Variants in UNC5D observed in about 807,000 individuals in gnomAD.
UNC5D encodes unc-5 netrin receptor D, also known as netrin receptor UNC5D.
A neutral mutation model predicts 105.4 loss-of-function variants in UNC5D; 39 were observed. That is an observed-to-expected ratio of 0.37 (90% CI 0.29 to 0.48). The LOEUF is 0.48. Among genes scored for constraint, UNC5D ranks in the 20% least tolerant of loss-of-function variants. The pLI is 0.98. For synonymous variants in UNC5D, 452 were observed against 450.4 expected (o/e 1.00, Z -0.04); for missense variants, 991 against 1,202.4 (o/e 0.82, Z 2.60).
intron 1 of UNC5D, among the ~76,000 whole-genome samples, chr8:35,394,687 A>G (rs1027213698): frequency 1.3e-5 from 2 of 152,136 alleles, no homozygotes; most frequent in African/African-American, 4.8e-5. Context: ...AAAAACTACA[A>G]TGAGATACGA....
chr8:35,677,425 T>C (rs1337151809), intron 4 of UNC5D, among the ~76,000 whole-genome samples: 3 of 152,156 alleles, frequency 2.0e-5, no homozygotes, highest in Non-Finnish European at 4.4e-5. Flanking sequence ...GTTACCTCCC[T>C]GGCCCCCAGG....
rs538236937 is a variant in UNC5D, at chr8:35,788,921, T to G, written c.2658-1438T>G. 2.7e-4 allele frequency among the ~76,000 whole-genome samples: 41 copies of G among 151,606 alleles called. 1 individual carries two copies. The East Asian group carries it at 7.7e-3, about 28-fold the overall frequency. The stretch of plus-strand genomic sequence containing the variant: ...CCCGAGACAAATCTACCCTTGTTCG[T>G]TCTTCCTCTTTCTTGCCCCTTGTAG... On this transcript the variant is annotated intron_variant, in intron 16 of 16. Transcript: ENST00000404895.
chr8:35,665,410 G>C (rs546432510), intron 4 of UNC5D, among the ~76,000 whole-genome samples: 1 of 152,230 alleles, frequency 6.6e-6, no homozygotes, highest in African/African-American at 2.4e-5. Flanking sequence ...TGGCATGCAG[G>C]ATCCAGTACA....
rs1301389581 is a variant in UNC5D, at chr8:35,684,696, C to A, written c.866C>A (p.Ala289Asp). The change falls in exon 6 of 17, where the codon GCC becomes GAC. Residue 289 changes from alanine (A) to aspartate (D), a missense_variant. Transcript: ENST00000404895. Reference protein sequence around the residue: ...CTNPAPLNGGAFCEGMSVQKI... With the variant: ...CTNPAPLNGGDFCEGMSVQKI... ...AACCCAGCTCCTCTCAATGGTGGGG[C>A]CTTTTGTGAGGGAATGTCAGTGCAG... The A allele has an allele frequency of 6.2e-7, 1 of 1,613,846 alleles. No homozygotes were observed. The highest frequency in any genetic ancestry group is 8.5e-7 in the Non-Finnish European group (1 of 1,179,904).
At chr8:35,453,083 G>C (rs1395717266) in intron 1 of UNC5D, among the ~76,000 whole-genome samples, 1 of 152,142 alleles carries the variant, frequency 6.6e-6, no homozygotes, top group Non-Finnish European at 1.5e-5. Context: ...AATACCCACA[G>C]CCTCTTTTTT....
At chr8:35,780,231 C>A (rs2131768942) in intron 16 of UNC5D, among the ~76,000 whole-genome samples, 1 of 152,320 alleles carries the variant, frequency 6.6e-6, no homozygotes, top group Admixed American at 6.5e-5. Flanking sequence ...ATGTTTCAAA[C>A]ACACTTCAGA....
chr8:35,469,694 G>A (rs1809570028), intron 1 of UNC5D, among the ~76,000 whole-genome samples: 1 of 152,132 alleles, frequency 6.6e-6, no homozygotes, highest in Non-Finnish European at 1.5e-5. Flanking sequence ...GACTAAAGAA[G>A]GGCATTTAAG....
At chr8:35,778,082 C>T (rs1203718904) in intron 16 of UNC5D, among the ~76,000 whole-genome samples, 1 of 152,180 alleles carries the variant, frequency 6.6e-6, no homozygotes, top group African/African-American at 2.4e-5. Flanking sequence ...AAATATCAGC[C>T]TTCATGTCCT....
intron 1 of UNC5D, among the ~76,000 whole-genome samples, chr8:35,385,807 G>A (rs1462089870): frequency 2.0e-5 from 3 of 152,068 alleles, no homozygotes; most frequent in Admixed American, 6.5e-5. Flanking sequence ...ACTTTCTTCA[G>A]ATTTATGCAG....
At position 35,254,948 on chromosome 8, in the gene UNC5D, A is replaced by G. The variant is rs1009855182; in HGVS notation, c.103+19061A>G. On this transcript the variant is annotated intron_variant, in intron 1 of 16. Transcript: ENST00000404895. ...TTTGAAATTTCAAATGAGCTTATAAATAAGCTCTGTTATGTACTTATTGTA... is the reference window on the plus strand; with the variant it reads ...TTTGAAATTTCAAATGAGCTTATAAGTAAGCTCTGTTATGTACTTATTGTA... The G allele has an allele frequency of 3.3e-5, 5 of 152,328 alleles. No individual in the cohort carries two copies. The East Asian group carries it at 9.6e-4, about 29-fold the overall frequency. The allele number at this position is 152,328 out of a possible 1,614,324, so 9.4% of individuals were successfully genotyped here.
At chr8:35,537,223 T>A (rs1385910449) in intron 1 of UNC5D, among the ~76,000 whole-genome samples, 2 of 152,240 alleles carry the variant, frequency 1.3e-5, no homozygotes, top group Non-Finnish European at 2.9e-5. Flanking sequence ...ATTTAATATT[T>A]AATTTTGCTA....
chr8:35,362,519 A>T (rs190118928), intron 1 of UNC5D, among the ~76,000 whole-genome samples: 31 of 152,306 alleles, frequency 2.0e-4, no homozygotes, highest in Non-Finnish European at 4.1e-4. Flanking sequence ...TAATGCAGTG[A>T]GCCAAATTAC....
At chr8:35,260,763 C>T (rs1275697391) in intron 1 of UNC5D, among the ~76,000 whole-genome samples, 4 of 152,154 alleles carry the variant, frequency 2.6e-5, no homozygotes, top group Non-Finnish European at 5.9e-5. Flanking sequence ...TAAACTTGAA[C>T]AATGGCGTAG....
At chr8:35,652,393 C>G (rs183794935) in intron 4 of UNC5D, among the ~76,000 whole-genome samples, 14 of 152,016 alleles carry the variant, frequency 9.2e-5, no homozygotes, top group Non-Finnish European at 1.9e-4. Context: ...TACCATATTA[C>G]TCATAGAAAA....
At chr8:35,608,430 A>C (rs1820454830) in intron 4 of UNC5D, among the ~76,000 whole-genome samples, 1 of 152,142 alleles carries the variant, frequency 6.6e-6, no homozygotes, top group Non-Finnish European at 1.5e-5. Flanking sequence ...TAAAAATCTG[A>C]TCTGTATAAA....
chr8:35,330,086 C>G, intron 1 of UNC5D, among the ~76,000 whole-genome samples: 1 of 152,168 alleles, frequency 6.6e-6, no homozygotes, highest in East Asian at 1.9e-4. Context: ...TGATATTTCA[C>G]AGCAGCTAAG....
At chr8:35,417,601 G>A (rs914008562) in intron 1 of UNC5D, among the ~76,000 whole-genome samples, 1 of 152,118 alleles carries the variant, frequency 6.6e-6, no homozygotes, top group Non-Finnish European at 1.5e-5. Context: ...TTTGCTTGAA[G>A]TAACAGGTCA....
chr8:35,316,043 T>A (rs1311687961), intron 1 of UNC5D, among the ~76,000 whole-genome samples: 2 of 152,140 alleles, frequency 1.3e-5, no homozygotes, highest in African/African-American at 4.8e-5. Context: ...GAGAATGTAT[T>A]ATAGGGAGGC....
intron 1 of UNC5D, among the ~76,000 whole-genome samples, chr8:35,443,990 C>A (rs924359952): frequency 4.6e-5 from 7 of 152,034 alleles, no homozygotes; most frequent in African/African-American, 1.7e-4. Context: ...CTCACTCATT[C>A]TTTAAACACA....
Sources: allele counts gnomAD v4.1 joint callset (sites outside exome capture counted in the v4.1 genomes callset), GRCh38; gene constraint gnomAD v4.1.1; transcripts MANE v1.5; gene names NCBI Gene and HGNC (gene_info 2026-07-23, HGNC 2026-07-21).